The following MYH7B variants were observed in gnomAD, a reference collection of about 807,000 sequenced individuals.
The protein encoded by MYH7B is myosin heavy chain 7B.
In MYH7B, 205 loss-of-function variants were observed where a neutral mutation model predicts 234.5. That is an observed-to-expected ratio of 0.87 (90% CI 0.78 to 0.98). MYH7B has a LOEUF of 0.98. MYH7B is among the 50% of genes least tolerant of loss of function. The pLI is 0.00. For synonymous variants in MYH7B, 1,193 were observed against 1,105.0 expected, an observed-to-expected ratio of 1.08 and a Z score of -1.58; for missense variants, 2,652 against 2,633.4, an observed-to-expected ratio of 1.01 and a Z score of -0.15.
intron 10 of MYH7B, among the ~76,000 whole-genome samples, chr20:34,983,305 T>C (rs2081969563): frequency 1.2e-4 from 3 of 24,572 alleles, no homozygotes; most frequent in Admixed American, 1.3e-3. Flanking sequence ...TTTCTTTTTT[T>C]TTTTTTTTTT....
chr20:34,994,389 G>A, exon 27 of MYH7B: 2 of 1,578,670 alleles, frequency 1.3e-6, no homozygotes, highest in South Asian at 1.2e-5. Flanking sequence ...ACCTGGCCCT[G>A]CAGCTGCAGG....
At position 34,995,506 on chromosome 20, in the gene MYH7B, C is replaced by T. The variant is rs534477174; in HGVS notation, c.2871C>T (p.Leu957=). The change falls in exon 28 of 45, where the codon CTC becomes CTT. Residue 957 remains leucine (L), a synonymous_variant. Transcript: ENST00000262873. ...AGCTGGAGGACGAGTGCACGGAGCT[C>T]AAGAAGGACATTGATGACCTGGAGC... is the stretch of plus-strand genomic sequence containing the variant. 7 of 1,614,138 alleles carry T rather than the reference C, an allele frequency of 4.3e-6. No homozygotes were observed. The South Asian group carries it at 7.7e-5, about 18-fold the overall frequency.
chr20:34,965,813 A>T (rs2081736550), intron 2 of MYH7B, among the ~76,000 whole-genome samples: 1 of 152,118 alleles, frequency 6.6e-6, no homozygotes, highest in Admixed American at 6.5e-5. Flanking sequence ...AGTCCCTGAG[A>T]CAGAAAGGAG....
In MYH7B at chr20:34,987,922, C is replaced by T; in HGVS notation, c.1416+8C>T. 1.3e-6 allele frequency: 2 copies of T among 1,584,318 alleles called. No individual in the cohort carries two copies. Among genetic ancestry groups the T allele is most frequent in the Non-Finnish European group, 1.7e-6 (2 of 1,163,226 alleles). The stretch of plus-strand genomic sequence containing the variant: ...GGGTTTGAGATCTTTGAGGTGAGGA[C>T]AGGCCCTCACCTTGGCCTCTGTTCT... On this transcript the variant is annotated splice_region_variant and intron_variant, in intron 18 of 44. Coordinates refer to ENST00000262873, the Ensembl canonical transcript of MYH7B.
At chr20:34,969,104 T>C (rs972150542) in intron 2 of MYH7B, among the ~76,000 whole-genome samples, 1 of 151,974 alleles carries the variant, frequency 6.6e-6, no homozygotes, top group Non-Finnish European at 1.5e-5. Context: ...TCTGGGATGG[T>C]TTTGCATAGA....
At chr20:34,987,872 C>T (rs758295575) in exon 18 of MYH7B, 11 of 1,611,424 alleles carry the variant, frequency 6.8e-6, no homozygotes, top group Admixed American at 3.3e-5. Context: ...CCCGGCAGTT[C>T]TTCATCGGGG....
intron 3 of MYH7B, 40 bp downstream of exon 3, chr20:34,975,539 T>C: frequency 2.8e-6 from 2 of 711,790 alleles, no homozygotes; most frequent in South Asian, 3.0e-5. Context: ...TTTGAGAAAA[T>C]TCATCAAACT....
chr20:34,969,746 C>T lies in MYH7B; in HGVS notation c.-221-5654C>T, dbSNP rs577420107. 6.6e-5 allele frequency among the ~76,000 whole-genome samples: 10 copies of T among 151,982 alleles called. No homozygotes were observed. The South Asian group carries it at 1.0e-3, about 16-fold the overall frequency. ...TTTTAGTAGAGACAGGGTTTCACCA[C>T]GTTGGCCAGACTGGTCTTAAACTCC... On this transcript the variant is annotated intron_variant, in intron 2 of 44. Coordinates refer to ENST00000262873, the Ensembl canonical transcript of MYH7B.
intron 22 of MYH7B, 70 bp downstream of exon 22, chr20:34,990,380 T>A: frequency 6.5e-7 from 1 of 1,541,178 alleles, no homozygotes. Flanking sequence ...CCCCCTGCCC[T>A]GTCCCCTGTG....
chr20:34,981,107 G>A, intron 9 of MYH7B, 47 bp downstream of exon 9: 1 of 1,609,744 alleles, frequency 6.2e-7, no homozygotes, highest in Non-Finnish European at 8.5e-7. Flanking sequence ...TGGCCATCTG[G>A]CAGAAAGAGG....
At chr20:34,978,642 G>A (rs2081894305) in intron 5 of MYH7B, among the ~76,000 whole-genome samples, 1 of 152,206 alleles carries the variant, frequency 6.6e-6, no homozygotes, top group South Asian at 2.1e-4. Context: ...CTGGGGAGGT[G>A]GGGCCAGCAC....
chr20:34,990,695 T>C (rs751912418), intron 22 of MYH7B, 43 bp from the exon 23 acceptor site: 4 of 1,589,986 alleles, frequency 2.5e-6, no homozygotes, highest in Non-Finnish European at 3.5e-6. Flanking sequence ...ATTCTGGTTC[T>C]CTGCCCCCTT....
chr20:34,979,367 C>T (rs1446489079), intron 5 of MYH7B, 23 bp from the exon 6 acceptor site: 1 of 1,589,818 alleles, frequency 6.3e-7, no homozygotes, highest in Non-Finnish European at 8.6e-7. Context: ...CTCTCTGAGT[C>T]CAGAGCTCTC....
chr20:35,001,964 C>G, exon 44 of MYH7B: 7 of 1,613,452 alleles, frequency 4.3e-6, no homozygotes, highest in Non-Finnish European at 5.9e-6. Flanking sequence ...CAGGCCAACA[C>G]CAACCTGGCC....
Position 34,987,544 on chromosome 20 carries a change from C to CAT in MYH7B, c.1148-13_1148-12insAT, listed in dbSNP as rs3053708. ...TGGTGTCCTCCTCCCTTACCCCACT[C>CAT]GTGCCCTGCCAGGTGCTGACAAGGC... On this transcript the variant is annotated splice_polypyrimidine_tract_variant and intron_variant, in intron 16 of 44. Transcript: ENST00000262873. The CAT allele has an allele frequency of 0.73, 1,166,087 of 1,602,468 alleles. 426,843 individuals are homozygous for CAT. The highest frequency in any genetic ancestry group is 0.87 in the Admixed American group (51,828 of 59,646).
At chr20:34,959,095 C>T (rs2081667965) in intron 2 of MYH7B, among the ~76,000 whole-genome samples, 1 of 152,202 alleles carries the variant, frequency 6.6e-6, no homozygotes, top group Non-Finnish European at 1.5e-5. Flanking sequence ...AATAAGAAAC[C>T]ATGCTAAGTC....
intron 2 of MYH7B, among the ~76,000 whole-genome samples, chr20:34,959,895 AC>A (rs1246038582): frequency 2.0e-5 from 3 of 151,782 alleles, no homozygotes; most frequent in African/African-American, 7.3e-5. Flanking sequence ...ACTTTCCCTT[AC>A]CTCCCTATCA....
Position 34,999,980 on chromosome 20 carries a change from A to C in MYH7B, c.4781+74A>C, listed in dbSNP as rs1441821693. 14 of 1,353,818 alleles carry C rather than the reference A, an allele frequency of 1.0e-5. No individual in the cohort carries two copies. The East Asian group carries it at 1.7e-4, about 17-fold the overall frequency. 83.9% of individuals were successfully genotyped at this position (1,353,818 alleles called of 1,614,324 possible). On this transcript the variant is annotated intron_variant, in intron 38 of 44. Transcript: ENST00000262873. Reference sequence around the variant, plus strand: ...GGAAGCAGTGTGTACTCTGCTCTCTAGTCTGTCCCTCCCATGGGACTTTGA... The same window carrying C: ...GGAAGCAGTGTGTACTCTGCTCTCTCGTCTGTCCCTCCCATGGGACTTTGA...
chr20:34,956,024 G>C lies in MYH7B; in HGVS notation c.-337+17G>C, dbSNP rs897296446. The stretch of plus-strand genomic sequence containing the variant: ...GAGCTACGGGTATGCATAGCTCATA[G>C]AGCGTCAGAGCTGACGACGACTAGT... On this transcript the variant is annotated intron_variant, in intron 1 of 44. Coordinates refer to ENST00000262873, the Ensembl canonical transcript of MYH7B. 2 of 152,348 alleles carry C rather than the reference G, an allele frequency of 1.3e-5. No individual in the cohort carries two copies. Among genetic ancestry groups the C allele is most frequent in the Non-Finnish European group, 2.9e-5 (2 of 68,150 alleles). The allele number at this position is 152,348 out of a possible 1,614,324, so 9.4% of individuals were successfully genotyped here. A position where few individuals can be genotyped will look rare whatever the true frequency, so the allele number is the denominator to read the frequency against.
Sources: gnomAD v4.1 joint callset for allele counts (sites outside exome capture counted in the v4.1 genomes callset) on GRCh38, gnomAD v4.1.1 for gene constraint, MANE v1.5 for transcripts, NCBI Gene and HGNC (gene_info 2026-07-23, HGNC 2026-07-21) for gene names.